The following TNFRSF13C variants were observed in gnomAD, a reference collection of about 807,000 sequenced individuals.
TNFRSF13C encodes tumor necrosis factor receptor superfamily member 13C.
A neutral mutation model predicts 12.1 loss-of-function variants in TNFRSF13C; 7 were observed. That is an observed-to-expected ratio of 0.58 (90% CI 0.33 to 1.08). TNFRSF13C has a LOEUF of 1.08. Among genes scored for constraint, TNFRSF13C ranks in the 50% least tolerant of loss-of-function variants. TNFRSF13C has a pLI of 0.04. For missense variants in TNFRSF13C, 260 were observed against 265.9 expected (o/e 0.98, Z 0.15); for synonymous variants, 157 against 130.8 (o/e 1.20, Z -1.37).
rs373828157 is a variant in TNFRSF13C at position 41,926,714 on chromosome 22, G to A, written c.60C>T (p.Val20=). 5.8e-3 allele frequency: 8,446 copies of A among 1,449,040 alleles called. 40 individuals carry two copies. The highest frequency in any genetic ancestry group is 7.2e-3 in the Non-Finnish European group (7,949 of 1,105,198). 89.8% of individuals were successfully genotyped at this position (1,449,040 alleles called of 1,614,324 possible). Residue 20 remains valine (V), a synonymous_variant, in exon 1 of 3, where the codon GTC becomes GTT. Coordinates refer to ENST00000291232, the MANE Select transcript of TNFRSF13C (RefSeq NM_052945.4). The surrounding 1 kb of genome is among the most constrained non-coding windows in gnomAD (Gnocchi z 4.9). ...CCAGCAGGTCGAAGCACTCGGCCGGGACGCAGGGCGTGGGGGCTGGCGCGT... is the reference window on the plus strand; with the variant it reads ...CCAGCAGGTCGAAGCACTCGGCCGGAACGCAGGGCGTGGGGGCTGGCGCGT... The part of the protein sequence containing the change: ...GRDAPAPTPC[V]PAECFDLLVR...
rs2077634351 is a variant in TNFRSF13C, at chr22:41,926,654, C to T, written c.120G>A (p.Thr40=). The T allele has an allele frequency of 2.1e-6, 3 of 1,460,334 alleles. No individual in the cohort carries two copies. Among genetic ancestry groups the T allele is most frequent in the African/African-American group, 1.5e-5 (1 of 67,896 alleles). The allele number at this position is 1,460,334 out of a possible 1,614,324, so 90.5% of individuals were successfully genotyped here. ...RHCVACGLLR[T]PRPKPAGASS... ...CCCCCTTACCCGGTTTCGGCCGCGG[C>T]GTGCGCAGGAGCCCGCAGGCCACGC... is the stretch of plus-strand genomic sequence containing the variant. Residue 40 remains threonine, a synonymous_variant, in exon 1 of 3, where the codon ACG becomes ACA. Coordinates refer to ENST00000291232, the MANE Select transcript of TNFRSF13C (RefSeq NM_052945.4). The surrounding 1 kb of genome is among the most constrained non-coding windows in gnomAD (Gnocchi z 4.9).
chr22:41,926,782 C>G lies in TNFRSF13C; in HGVS notation c.-9G>C. On this transcript the variant is annotated 5_prime_UTR_variant, in exon 1 of 3. Coordinates refer to ENST00000291232, the MANE Select transcript of TNFRSF13C (RefSeq NM_052945.4). This position sits in a 1 kb window ranked among gnomAD's most constrained non-coding sequence, Gnocchi z 4.9. ...CGGGGCCCTCGCCTCATGGTGCCGA[C>G]GCCGCCGCACAAGCTGCGGGGACTG... is the stretch of plus-strand genomic sequence containing the variant. 7.6e-7 allele frequency: 1 copy of G among 1,315,462 alleles called. No individual in the cohort carries two copies. The highest frequency in any genetic ancestry group is 9.7e-7 in the Non-Finnish European group (1 of 1,034,974). 81.5% of individuals were successfully genotyped at this position (1,315,462 alleles called of 1,614,324 possible).
chr22:41,925,991 C>T lies in TNFRSF13C; in HGVS notation c.367+110G>A, dbSNP rs969652244. Reference sequence around the variant, plus strand: ...TCTTTTCCACTCTGTCTCCGTTTCCCCTTAAAGCCCTTCTCTCCCCCTCAG... The same window carrying T: ...TCTTTTCCACTCTGTCTCCGTTTCCTCTTAAAGCCCTTCTCTCCCCCTCAG... On this transcript the variant is annotated intron_variant, in intron 2 of 2. Coordinates refer to ENST00000291232, the MANE Select transcript of TNFRSF13C (RefSeq NM_052945.4). 3.5e-6 allele frequency: 5 copies of T among 1,431,854 alleles called. No individual in the cohort carries two copies. The Admixed American group carries it at 7.6e-5, about 22-fold the overall frequency. 88.7% of individuals were successfully genotyped at this position (1,431,854 alleles called of 1,614,324 possible). A position where few individuals can be genotyped will look rare whatever the true frequency, so the allele number is the denominator to read the frequency against.
Position 41,925,428 on chromosome 22 carries a change from G to T in TNFRSF13C, c.494C>A (p.Ala165Asp). 6.2e-7 allele frequency: 1 copy of T among 1,611,476 alleles called. No individual in the cohort carries two copies. The highest frequency in any genetic ancestry group is 8.5e-7 in the Non-Finnish European group (1 of 1,180,008). ...CAGTTCAGTGGAGCCCAGCTCTGTGGCTGGCACAGGGACACTGTGGCCAGG... is the reference window on the plus strand; with the variant it reads ...CAGTTCAGTGGAGCCCAGCTCTGTGTCTGGCACAGGGACACTGTGGCCAGG... ...TPPGHSVPVP[A>D]TELGSTELVT... The change falls in exon 3 of 3, where the codon GCC becomes GAC. Residue 165 changes from alanine to aspartate, a missense_variant. Physicochemically the swap from Ala to Asp is moderately radical, Grantham distance 126. Coordinates refer to ENST00000291232, the MANE Select transcript of TNFRSF13C (RefSeq NM_052945.4).
chr22:41,924,949 C>CAAAAAAAAAAAAAAAAAA lies in TNFRSF13C; in HGVS notation c.*400_*417dup, dbSNP rs750334567. ...CCTGGCGACAGAGCAAGACTCGTCT[C>CAAAAAAAAAAAAAAAAAA]AAAAAAAAAAAAAAAAAAAAAAAAA... On this transcript the variant is annotated 3_prime_UTR_variant, in exon 3 of 3. Coordinates refer to ENST00000291232, the MANE Select transcript of TNFRSF13C (RefSeq NM_052945.4). 2 of 45,316 alleles carry CAAAAAAAAAAAAAAAAAA rather than the reference C, an allele frequency of 4.4e-5. No individual in the cohort carries two copies. Among genetic ancestry groups the CAAAAAAAAAAAAAAAAAA allele is most frequent in the African/African-American group, 2.1e-4 (2 of 9,724 alleles). The allele number at this position is 45,316 out of a possible 1,614,324, so 2.8% of individuals were successfully genotyped here.
chr22:41,925,273 A>C lies in TNFRSF13C; in HGVS notation c.*94T>G. On this transcript the variant is annotated 3_prime_UTR_variant, in exon 3 of 3. Transcript: ENST00000291232. Reference sequence around the variant, plus strand: ...GTTAGCCTGGTCCCAGAAAGAGGGCATGTGCATGCTGGAGTGAAGAGCTGA... The same window carrying C: ...GTTAGCCTGGTCCCAGAAAGAGGGCCTGTGCATGCTGGAGTGAAGAGCTGA... 3.2e-6 allele frequency: 4 copies of C among 1,263,610 alleles called. No homozygotes were observed. Among genetic ancestry groups the C allele is most frequent in the Non-Finnish European group, 4.3e-6 (4 of 926,472 alleles). 78.3% of individuals were successfully genotyped at this position (1,263,610 alleles called of 1,614,324 possible). A position where few individuals can be genotyped will look rare whatever the true frequency, so the allele number is the denominator to read the frequency against.
chr22:41,926,116 C>T lies in TNFRSF13C; in HGVS notation c.352G>A (p.Asp118Asn), dbSNP rs1222456799. Reference protein sequence around the residue: ...LRGASSAEAPDGDKDAPEPLD... With the variant: ...LRGASSAEAPNGDKDAPEPLD... The stretch of plus-strand genomic sequence containing the variant: ...CGGAACTCACCGTCCTTGTCTCCGT[C>T]GGGGGCCTCTGCGGAGGACGCGCCG... The change falls in exon 2 of 3, where the codon GAC (aspartate) becomes AAC (asparagine). Residue 118 changes from aspartate (D) to asparagine (N), a missense_variant. Asp to Asn is a conservative substitution (Grantham distance 23). Transcript: ENST00000291232. The surrounding 1 kb of genome is among the most constrained non-coding windows in gnomAD (Gnocchi z 4.9). 9 of 1,612,346 alleles carry T rather than the reference C, an allele frequency of 5.6e-6. No individual in the cohort carries two copies. Among genetic ancestry groups the T allele is most frequent in the East Asian group, 2.2e-5 (1 of 44,878 alleles).
intron 2 of TNFRSF13C, 78 bp from the exon 3 acceptor site, chr22:41,925,632 C>G: frequency 1.3e-6 from 2 of 1,546,488 alleles, no homozygotes; most frequent in Non-Finnish European, 1.8e-6. Context: ...TCTGGAGGGG[C>G]AGTCCTCCGT....
At position 41,926,585 on chromosome 22, in the gene TNFRSF13C, GC is replaced by G; in HGVS notation, c.136+52del. 1 of 1,377,832 alleles carries G rather than the reference GC, an allele frequency of 7.3e-7. No homozygotes were observed. The highest frequency in any genetic ancestry group is 1.6e-5 in the South Asian group (1 of 61,304). The allele number at this position is 1,377,832 out of a possible 1,614,324, so 85.4% of individuals were successfully genotyped here. A position where few individuals can be genotyped will look rare whatever the true frequency, so the allele number is the denominator to read the frequency against. On this transcript the variant is annotated intron_variant, in intron 1 of 2. Transcript: ENST00000291232. The surrounding 1 kb of genome is among the most constrained non-coding windows in gnomAD (Gnocchi z 4.9). Reference sequence around the variant, plus strand: ...CTCTGCCTGCGCCCTGGCGATCGGGGCCCCGTTCTCCCCGCAGCTGCCGGCG... The same window carrying G: ...CTCTGCCTGCGCCCTGGCGATCGGGGCCCGTTCTCCCCGCAGCTGCCGGCG...
rs527944047 is a variant in TNFRSF13C at position 41,924,626 on chromosome 22, T to C, written c.*741A>G. The C allele has an allele frequency of 6.6e-6, 1 of 151,818 alleles. No homozygotes were observed. The highest frequency in any genetic ancestry group is 1.9e-4 in the East Asian group (1 of 5,158). 9.4% of individuals were successfully genotyped at this position (151,818 alleles called of 1,614,324 possible). ...ACCCATCGTTGCACTCCAGCCTGCGTGATACAGCAAGACCCTGTCTCAAAA... is the reference window on the plus strand; with the variant it reads ...ACCCATCGTTGCACTCCAGCCTGCGCGATACAGCAAGACCCTGTCTCAAAA... On this transcript the variant is annotated 3_prime_UTR_variant, in exon 3 of 3. Coordinates refer to ENST00000291232, the MANE Select transcript of TNFRSF13C (RefSeq NM_052945.4).
chr22:41,925,381 G>C lies in TNFRSF13C; in HGVS notation c.541C>G (p.Pro181Ala), dbSNP rs1300549959. The change falls in exon 3 of 3, where the codon CCT becomes GCT. Residue 181 changes from proline to alanine, a missense_variant. Pro to Ala is a conservative substitution (Grantham distance 27). Coordinates refer to ENST00000291232, the MANE Select transcript of TNFRSF13C (RefSeq NM_052945.4). ...TELVTTKTAG[P>A]EQQ ...CCGGCTCCCTGCTATTGTTGCTCAG[G>C]GCCGGCCGTCTTGGTGGTCACCAGT... is the stretch of plus-strand genomic sequence containing the variant. 1.9e-6 allele frequency: 3 copies of C among 1,605,686 alleles called. No homozygotes were observed. The South Asian group carries it at 3.3e-5, about 18-fold the overall frequency.
In TNFRSF13C at chr22:41,926,650, G is replaced by T; in HGVS notation, c.124C>A (p.Arg42=). Residue 42 remains arginine (R), a synonymous_variant, in exon 1 of 3, where the codon CGG becomes AGG. Transcript: ENST00000291232. This position sits in a 1 kb window ranked among gnomAD's most constrained non-coding sequence, Gnocchi z 4.9. ...GGGTCCCCCTTACCCGGTTTCGGCC[G>T]CGGCGTGCGCAGGAGCCCGCAGGCC... is the stretch of plus-strand genomic sequence containing the variant. ...CVACGLLRTP[R]PKPAGASSPA... The T allele has an allele frequency of 6.8e-7, 1 of 1,459,982 alleles. No individual in the cohort carries two copies. The highest frequency in any genetic ancestry group is 9.0e-7 in the Non-Finnish European group (1 of 1,111,080). 90.4% of individuals were successfully genotyped at this position (1,459,982 alleles called of 1,614,324 possible). A position where few individuals can be genotyped will look rare whatever the true frequency, so the allele number is the denominator to read the frequency against.
chr22:41,922,229 C>T lies in TNFRSF13C; in HGVS notation c.*3138G>A, dbSNP rs985157070. The T allele has an allele frequency of 1.2e-4, 18 of 152,176 alleles. No homozygotes were observed. The highest frequency in any genetic ancestry group is 4.3e-4 in the African/African-American group (18 of 41,442). 9.4% of individuals were successfully genotyped at this position (152,176 alleles called of 1,614,324 possible). A position where few individuals can be genotyped will look rare whatever the true frequency, so the allele number is the denominator to read the frequency against. ...CTACATCATGGATTCCGGTCCAGAA[C>T]TTCCAGATTGTCTACAAAATGCCTA... On this transcript the variant is annotated 3_prime_UTR_variant, in exon 3 of 3. Coordinates refer to ENST00000291232, the MANE Select transcript of TNFRSF13C (RefSeq NM_052945.4).
Position 41,926,356 on chromosome 22 carries a change from G to C in TNFRSF13C, c.137-25C>G, listed in dbSNP as rs1002011994. On this transcript the variant is annotated intron_variant, in intron 1 of 2. Transcript: ENST00000291232. This position sits in a 1 kb window ranked among gnomAD's most constrained non-coding sequence, Gnocchi z 4.9. The stretch of plus-strand genomic sequence containing the variant: ...GCTGCTTCGGGAGGGGACAGGGAGG[G>C]AGGCCAGGGGGCCGAGGGGAGGGAG... 1.2e-5 allele frequency: 17 copies of C among 1,360,966 alleles called. No individual in the cohort carries two copies. The African/African-American group carries it at 2.5e-4, about 20-fold the overall frequency. The allele number at this position is 1,360,966 out of a possible 1,614,324, so 84.3% of individuals were successfully genotyped here.
At chr22:41,925,712 T>A (rs1375833298) in intron 2 of TNFRSF13C, among the ~76,000 whole-genome samples, 158 bp from the exon 3 acceptor site, 1 of 151,790 alleles carries the variant, frequency 6.6e-6, no homozygotes, top group Non-Finnish European at 1.5e-5. Context: ...GCCTGGCCAG[T>A]GGGGAGCTGG....
rs371067105 is a variant in TNFRSF13C at position 41,926,457 on chromosome 22, G to A, written c.137-126C>T. Reference sequence around the variant, plus strand: ...GGGACAGCCGGGGGGCGGTGGACAAGGGGAGGGAGAGAGGCGGCGGTGAGG... The same window carrying A: ...GGGACAGCCGGGGGGCGGTGGACAAAGGGAGGGAGAGAGGCGGCGGTGAGG... On this transcript the variant is annotated intron_variant, in intron 1 of 2. Coordinates refer to ENST00000291232, the MANE Select transcript of TNFRSF13C (RefSeq NM_052945.4). This position sits in a 1 kb window ranked among gnomAD's most constrained non-coding sequence, Gnocchi z 4.9. The A allele has an allele frequency of 4.6e-6, 5 of 1,080,478 alleles. No individual in the cohort carries two copies. The highest frequency in any genetic ancestry group is 4.6e-5 in the South Asian group (2 of 43,904). 66.9% of individuals were successfully genotyped at this position (1,080,478 alleles called of 1,614,324 possible).
At position 41,926,514 on chromosome 22, in the gene TNFRSF13C, C is replaced by T; in HGVS notation, c.136+124G>A. ...CGGTGATCGCGGGCCCCTCCAGGCC[C>T]TGCCCACAGGGTCCTTTCAGCCCTC... On this transcript the variant is annotated intron_variant, in intron 1 of 2. Transcript: ENST00000291232. The surrounding 1 kb of genome is among the most constrained non-coding windows in gnomAD (Gnocchi z 4.9). The T allele has an allele frequency of 1.6e-6, 2 of 1,247,794 alleles. No homozygotes were observed. Among genetic ancestry groups the T allele is most frequent in the Admixed American group, 4.2e-5 (1 of 23,906 alleles). The allele number at this position is 1,247,794 out of a possible 1,614,324, so 77.3% of individuals were successfully genotyped here. A position where few individuals can be genotyped will look rare whatever the true frequency, so the allele number is the denominator to read the frequency against.
rs927920971 is a variant in TNFRSF13C at position 41,926,001 on chromosome 22, C to T, written c.367+100G>A. 1 of 1,494,514 alleles carries T rather than the reference C, an allele frequency of 6.7e-7. No homozygotes were observed. 92.6% of individuals were successfully genotyped at this position (1,494,514 alleles called of 1,614,324 possible). A position where few individuals can be genotyped will look rare whatever the true frequency, so the allele number is the denominator to read the frequency against. ...TCTGTCTCCGTTTCCCCTTAAAGCC[C>T]TTCTCTCCCCCTCAGGGGCCATGCA... On this transcript the variant is annotated intron_variant, in intron 2 of 2. Transcript: ENST00000291232. The surrounding 1 kb of genome is among the most constrained non-coding windows in gnomAD (Gnocchi z 4.9).
At position 41,922,912 on chromosome 22, in the gene TNFRSF13C, C is replaced by G. The variant is rs1602371492; in HGVS notation, c.*2455G>C. On this transcript the variant is annotated 3_prime_UTR_variant, in exon 3 of 3. Coordinates refer to ENST00000291232, the MANE Select transcript of TNFRSF13C (RefSeq NM_052945.4). ...CTCCAGATGGAAGGGGAGTGGATGG[C>G]TGGGCCCATGTGGGCCTGACCCCAC... is the stretch of plus-strand genomic sequence containing the variant. 6.6e-6 allele frequency: 1 copy of G among 152,478 alleles called. No individual in the cohort carries two copies. Among genetic ancestry groups the G allele is most frequent in the African/African-American group, 2.4e-5 (1 of 41,454 alleles). 9.4% of individuals were successfully genotyped at this position (152,478 alleles called of 1,614,324 possible). A position where few individuals can be genotyped will look rare whatever the true frequency, so the allele number is the denominator to read the frequency against.
Sources: allele counts gnomAD v4.1 joint callset (sites outside exome capture counted in the v4.1 genomes callset), GRCh38; gene constraint gnomAD v4.1.1; non-coding constraint Gnocchi (gnomAD v3.1); transcripts MANE v1.5; gene names NCBI Gene and HGNC (gene_info 2026-07-23, HGNC 2026-07-21).